The following C6orf118 variants were observed in gnomAD, a reference collection of about 807,000 sequenced individuals.
C6orf118 encodes chromosome 6 open reading frame 118.
C6orf118 carries 50 observed loss-of-function variants against 50.2 expected under a neutral mutation model. That is an observed-to-expected ratio of 1.00 (90% CI 0.79 to 1.26). The LOEUF (loss-of-function observed/expected upper bound fraction) is 1.26. C6orf118 is among the 50% of genes most tolerant of loss of function. The pLI is 0.00. For missense variants in C6orf118, 641 were observed against 578.7 expected, an observed-to-expected ratio of 1.11 and a Z score of -1.10; for synonymous variants, 239 against 230.9, an observed-to-expected ratio of 1.03 and a Z score of -0.32.
At chr6:165,293,386 A>C in intron 6 of C6orf118, 27 bp downstream of exon 6, 1 of 1,609,710 alleles carries the variant, frequency 6.2e-7, no homozygotes, top group Non-Finnish European at 8.5e-7. Context: ...AAGCACCCAT[A>C]AGGAAGGACA....
intron 7 of C6orf118, among the ~76,000 whole-genome samples, chr6:165,286,838 G>C (rs774163484): frequency 1.3e-5 from 2 of 152,082 alleles, no homozygotes; most frequent in African/African-American, 4.8e-5. Flanking sequence ...GGCAAAAGCT[G>C]GAAGCATTCC....
In C6orf118 at chr6:165,293,415, G is replaced by T; in HGVS notation, c.1118C>A (p.Ser373Ter). The T allele has an allele frequency of 6.2e-7, 1 of 1,613,862 alleles. No homozygotes were observed. The highest frequency in any genetic ancestry group is 8.5e-7 in the Non-Finnish European group (1 of 1,179,740). ...VALLQSAKER[S>*]ESSEKHIIDE... The stretch of plus-strand genomic sequence containing the variant: ...AAGGACATCACACAGACACCTGCCT[G>T]ATCGTTCCTTTGCAGACTGCAGCAA... The change falls in exon 6 of 9, where the codon TCA becomes TAA. Residue 373 changes from serine (S) to a stop codon, truncating the protein, a stop_gained and splice_region_variant. Coordinates refer to ENST00000230301, the MANE Select transcript of C6orf118 (RefSeq NM_144980.4). LOFTEE classifies it high-confidence loss of function.
intron 6 of C6orf118, among the ~76,000 whole-genome samples, chr6:165,291,006 G>A (rs140518583): frequency 7.2e-5 from 11 of 152,240 alleles, no homozygotes; most frequent in African/African-American, 1.7e-4. Context: ...AGGGGAAACC[G>A]CTGATAAAAC....
chr6:165,306,682 G>T (rs1003784209), intron 1 of C6orf118, among the ~76,000 whole-genome samples: 3 of 151,668 alleles, frequency 2.0e-5, no homozygotes, highest in African/African-American at 7.2e-5. Context: ...AGAAGGAGGC[G>T]ACTTCATTGC....
chr6:165,289,156 A>G (rs1780019132), intron 7 of C6orf118, among the ~76,000 whole-genome samples: 1 of 150,808 alleles, frequency 6.6e-6, no homozygotes, highest in African/African-American at 2.4e-5. Context: ...TTATTGGCAC[A>G]CAGCCATGTC....
At chr6:165,307,507 G>T (rs989784654) in intron 1 of C6orf118, among the ~76,000 whole-genome samples, 1 of 151,098 alleles carries the variant, frequency 6.6e-6, no homozygotes. Flanking sequence ...GCAGTGAGTC[G>T]AGATAGCACC....
At chr6:165,294,711 C>A (rs1353067736) in intron 5 of C6orf118, among the ~76,000 whole-genome samples, 1 of 152,026 alleles carries the variant, frequency 6.6e-6, no homozygotes, top group Non-Finnish European at 1.5e-5. Flanking sequence ...CATGGTGAAA[C>A]CCCAGCTCTA....
At position 165,302,049 on chromosome 6, in the gene C6orf118, G is replaced by GGC; in HGVS notation, c.271_272dup (p.Ser92ProfsTer15). The GGC allele has an allele frequency of 6.2e-7, 1 of 1,613,722 alleles. No homozygotes were observed. Among genetic ancestry groups the GGC allele is most frequent in the Non-Finnish European group, 8.5e-7 (1 of 1,179,892 alleles). On this transcript the variant is annotated frameshift_variant, in exon 2 of 9. Coordinates refer to ENST00000230301, the MANE Select transcript of C6orf118 (RefSeq NM_144980.4). LOFTEE classifies it high-confidence loss of function. The stretch of plus-strand genomic sequence containing the variant: ...CTGCGGGCGGCTCTCCCACCTCAGA[G>GGC]GCGCGCTCCCCCTTGGGCCGGTGGG...
At chr6:165,291,924 A>G (rs759012424) in intron 6 of C6orf118, among the ~76,000 whole-genome samples, 2 of 152,210 alleles carry the variant, frequency 1.3e-5, no homozygotes, top group Non-Finnish European at 2.9e-5. Flanking sequence ...ATAGTAAACA[A>G]GGTGGAAGTA....
rs1780060221 is a variant in C6orf118 at position 165,290,161 on chromosome 6, T to C, written c.1121-94A>G. 12 of 733,146 alleles carry C rather than the reference T, an allele frequency of 1.6e-5. 1 individual carries two copies. The South Asian group carries it at 1.9e-4, about 12-fold the overall frequency. The allele number at this position is 733,146 out of a possible 1,614,324, so 45.4% of individuals were successfully genotyped here. On this transcript the variant is annotated intron_variant, in intron 6 of 8. Coordinates refer to ENST00000230301, the MANE Select transcript of C6orf118 (RefSeq NM_144980.4). ...ATTATTAACAATATTATGTATGCTA[T>C]AGTATATATAACTATAAAATATAAT...
chr6:165,302,116 A>C lies in C6orf118; in HGVS notation c.206T>G (p.Leu69Arg). 1 of 1,613,168 alleles carries C rather than the reference A, an allele frequency of 6.2e-7. No individual in the cohort carries two copies. The change falls in exon 2 of 9, where the codon CTC becomes CGC. Residue 69 changes from leucine (L) to arginine (R), a missense_variant. Coordinates refer to ENST00000230301, the MANE Select transcript of C6orf118 (RefSeq NM_144980.4). ...YISGHLNPNKLYQPPETILQH... is the reference protein window; with the variant it reads ...YISGHLNPNKRYQPPETILQH... ...TAAGATCGTCTCCGGAGGCTGGTAGAGCTTGTTGGGGTTCAGGTGTCCAGA... is the reference window on the plus strand; with the variant it reads ...TAAGATCGTCTCCGGAGGCTGGTAGCGCTTGTTGGGGTTCAGGTGTCCAGA...
At chr6:165,280,170 A>C in intron 8 of C6orf118, 60 bp from the exon 9 acceptor site, 2 of 1,202,888 alleles carry the variant, frequency 1.7e-6, no homozygotes, top group Non-Finnish European at 2.4e-6. Context: ...AGCATGAAAT[A>C]AAATTTCAAA....
chr6:165,293,026 A>T (rs1780158763), intron 6 of C6orf118, among the ~76,000 whole-genome samples: 1 of 152,232 alleles, frequency 6.6e-6, no homozygotes, highest in South Asian at 2.1e-4. Flanking sequence ...AAAACAGTCA[A>T]AGTTAATGAG....
rs1285827540 is a variant in C6orf118 at position 165,309,558 on chromosome 6, T to C, written c.25+4A>G. On this transcript the variant is annotated splice_donor_region_variant and intron_variant, in intron 1 of 8. Transcript: ENST00000230301. The stretch of plus-strand genomic sequence containing the variant: ...GCCAGCAAGAGCCGCTCCAGGCCAC[T>C]TACATTCAGGCTCCCGCTCCTCCGC... 1.2e-6 allele frequency: 2 copies of C among 1,614,046 alleles called. No homozygotes were observed. The highest frequency in any genetic ancestry group is 2.7e-5 in the African/African-American group (2 of 74,936).
At chr6:165,299,328 C>A in intron 4 of C6orf118, 115 bp downstream of exon 4, 1 of 820,290 alleles carries the variant, frequency 1.2e-6, no homozygotes, top group South Asian at 1.7e-5. Flanking sequence ...ATCAGCTATT[C>A]TAAATTATGG....
intron 1 of C6orf118, among the ~76,000 whole-genome samples, chr6:165,303,154 A>C (rs867881652): frequency 1.5e-4 from 23 of 152,174 alleles, no homozygotes; most frequent in Admixed American, 1.3e-3. Context: ...TCCTCTGTCC[A>C]TTGAGAAGCA....
Position 165,299,465 on chromosome 6 carries a change from G to C in C6orf118, c.914C>G (p.Ser305Cys), listed in dbSNP as rs772668914. ...YELYMATLLESQPAAQYEALL... is the reference protein window; with the variant it reads ...YELYMATLLECQPAAQYEALL... ...CACCTCGTACTGTGCTGCAGGCTGG[G>C]ACTCCAGGAGCGTTGCCATGTAGAG... Residue 305 changes from serine (S) to cysteine (C), a missense_variant, in exon 4 of 9, where the codon TCC becomes TGC. Coordinates refer to ENST00000230301, the MANE Select transcript of C6orf118 (RefSeq NM_144980.4). 1 of 1,613,948 alleles carries C rather than the reference G, an allele frequency of 6.2e-7. No homozygotes were observed. The highest frequency in any genetic ancestry group is 8.5e-7 in the Non-Finnish European group (1 of 1,180,010).
At chr6:165,302,801 C>A (rs896361266) in intron 1 of C6orf118, among the ~76,000 whole-genome samples, 2 of 152,272 alleles carry the variant, frequency 1.3e-5, no homozygotes, top group Middle Eastern at 3.4e-3. Flanking sequence ...CCTGCAGCAT[C>A]CCTACAGAGC....
At chr6:165,286,485 C>T (rs2128157571) in intron 7 of C6orf118, among the ~76,000 whole-genome samples, 2 of 152,170 alleles carry the variant, frequency 1.3e-5, no homozygotes, top group Middle Eastern at 3.4e-3. Context: ...AAAAGGAAAA[C>T]TTCAGGCCAA....
Sources: gnomAD v4.1 joint callset for allele counts (sites outside exome capture counted in the v4.1 genomes callset) on GRCh38, gnomAD v4.1.1 for gene constraint, MANE v1.5 for transcripts, NCBI Gene and HGNC (gene_info 2026-07-23, HGNC 2026-07-21) for gene names.